Variants in TMEM132B observed in about 807,000 individuals in gnomAD.
TMEM132B encodes transmembrane protein 132B.
Under a neutral mutation model 90.8 loss-of-function variants are expected in TMEM132B, and 18 were observed. That is an observed-to-expected ratio of 0.20 (90% CI 0.14 to 0.29). The LOEUF is 0.29. TMEM132B is among the 10% of genes least tolerant of loss of function. The pLI, the probability that TMEM132B is intolerant of heterozygous loss-of-function variation, is 1.00. For synonymous variants in TMEM132B, 504 were observed against 523.3 expected (o/e 0.96, Z 0.50); for missense variants, 1,096 against 1,326.8 (o/e 0.83, Z 2.70).
chr12:125,372,301 T>A (rs1284439495), intron 2 of TMEM132B, among the ~76,000 whole-genome samples: 1 of 152,246 alleles, frequency 6.6e-6, no homozygotes, highest in Non-Finnish European at 1.5e-5. Flanking sequence ...CTAGAGCTCA[T>A]AAAGTATCCC....
rs1886890851 is a variant in TMEM132B, at chr12:125,650,831, G to T, written c.1792G>T (p.Asp598Tyr). The T allele has an allele frequency of 6.2e-7, 1 of 1,614,072 alleles. No individual in the cohort carries two copies. The highest frequency in any genetic ancestry group is 8.5e-7 in the Non-Finnish European group (1 of 1,180,052). The change falls in exon 7 of 9, where the codon GAC (aspartate) becomes TAC (tyrosine). Residue 598 changes from aspartate to tyrosine, a missense_variant. Physicochemically the swap from Asp to Tyr is radical, Grantham distance 160. Coordinates refer to ENST00000682704, the MANE Select transcript of TMEM132B (RefSeq NM_001366854.1). ...LGQLTYMLGP[D>Y]WQFDITDLVT... Reference sequence around the variant, plus strand: ...GCAGCTGACCTACATGCTGGGCCCCGACTGGCAGTTTGACATCACTGACCT... The same window carrying T: ...GCAGCTGACCTACATGCTGGGCCCCTACTGGCAGTTTGACATCACTGACCT...
At position 125,583,890 on chromosome 12, in the gene TMEM132B, C is replaced by T. The variant is rs1188545833; in HGVS notation, c.1333C>T (p.Pro445Ser). The T allele has an allele frequency of 2.5e-6, 4 of 1,614,120 alleles. No homozygotes were observed. Among genetic ancestry groups the T allele is most frequent in the Non-Finnish European group, 3.4e-6 (4 of 1,180,030 alleles). The change falls in exon 5 of 9, where the codon CCT becomes TCT. Residue 445 changes from proline to serine, a missense_variant. Coordinates refer to ENST00000682704, the MANE Select transcript of TMEM132B (RefSeq NM_001366854.1). ...VLNTAILTGK[P>S]VSVPVKVVGV... ...GAACACTGCCATTCTCACTGGAAAG[C>T]CTGTTTCAGTTCCTGTCAAAGTCGT...
chr12:125,393,690 A>G (rs1215216456), intron 2 of TMEM132B, among the ~76,000 whole-genome samples: 1 of 152,122 alleles, frequency 6.6e-6, no homozygotes, highest in African/African-American at 2.4e-5. Context: ...ATGAAGATGG[A>G]GGCGCAGTCA....
chr12:125,187,205 C>A lies in TMEM132B; in HGVS notation c.67+339C>A, dbSNP rs552352259. ...GCCCTGCCTTGGGCCAAATCCCCCC[C>A]AGGTCCCAGTTCCTCCAGGGGTTTT... On this transcript the variant is annotated intron_variant, in intron 1 of 8. Coordinates refer to ENST00000682704, the MANE Select transcript of TMEM132B (RefSeq NM_001366854.1). 5.3e-5 allele frequency among the ~76,000 whole-genome samples: 8 copies of A among 152,366 alleles called. No individual in the cohort carries two copies. In the East Asian group the frequency reaches 1.5e-3, roughly 29 times the overall value.
intron 1 of TMEM132B, among the ~76,000 whole-genome samples, chr12:125,306,009 A>T (rs1875949493): frequency 6.6e-6 from 1 of 152,174 alleles, no homozygotes; most frequent in Non-Finnish European, 1.5e-5. Flanking sequence ...CTAAGTGGAG[A>T]TTCATTTCTT....
chr12:125,442,202 G>T (rs1401256348), intron 3 of TMEM132B, among the ~76,000 whole-genome samples: 1 of 152,236 alleles, frequency 6.6e-6, no homozygotes, highest in Non-Finnish European at 1.5e-5. Context: ...GAACATTGCT[G>T]TGAAATCTGC....
At chr12:125,642,832 C>T (rs894916181) in intron 5 of TMEM132B, among the ~76,000 whole-genome samples, 8 of 152,166 alleles carry the variant, frequency 5.3e-5, no homozygotes, top group Non-Finnish European at 1.0e-4. Context: ...TTAAGTGTCC[C>T]ATTAGCTATT....
intron 3 of TMEM132B, among the ~76,000 whole-genome samples, chr12:125,432,393 A>ATGTG (rs1555248780): frequency 1.1e-5 from 1 of 87,570 alleles, no homozygotes; most frequent in East Asian, 4.6e-4. Context: ...ATATATATAT[A>ATGTG]TATATGTATG....
In TMEM132B at chr12:125,502,787, T is replaced by C. The variant is rs76846314; in HGVS notation, c.1107-16652T>C. ...GGCACAGAGTAGATGCTCAAAAATA[T>C]TTCATTGAATGTTTGAATGAATATA... On this transcript the variant is annotated intron_variant, in intron 3 of 8. Transcript: ENST00000682704. Among the ~76,000 whole-genome samples, 872 of 152,314 alleles carry C rather than the reference T, an allele frequency of 5.7e-3. 7 individuals are homozygous for C. The highest frequency in any genetic ancestry group is 0.02 in the African/African-American group (823 of 41,560).
chr12:125,282,803 C>T (rs555572710), intron 1 of TMEM132B, among the ~76,000 whole-genome samples: 1 of 152,280 alleles, frequency 6.6e-6, no homozygotes, highest in South Asian at 2.1e-4. Context: ...ATGTGTGTGC[C>T]TGGTGCATTC....
At chr12:125,413,444 G>A (rs904049146) in intron 2 of TMEM132B, among the ~76,000 whole-genome samples, 4 of 151,916 alleles carry the variant, frequency 2.6e-5, no homozygotes, top group East Asian at 1.9e-4. Context: ...AAACACTGTC[G>A]TCATCCCAAA....
At chr12:125,248,298 C>T (rs1874248066) in intron 1 of TMEM132B, among the ~76,000 whole-genome samples, 1 of 152,200 alleles carries the variant, frequency 6.6e-6, no homozygotes, top group African/African-American at 2.4e-5. Flanking sequence ...GAAAAAGCAT[C>T]TTTATGAGTG....
At chr12:125,345,952 A>G (rs956049661) in intron 1 of TMEM132B, among the ~76,000 whole-genome samples, 3 of 152,174 alleles carry the variant, frequency 2.0e-5, no homozygotes, top group Non-Finnish European at 4.4e-5. Context: ...TTAGCTTTTC[A>G]GTGTATTTCT....
At chr12:125,254,534 C>G (rs1344264430) in intron 1 of TMEM132B, among the ~76,000 whole-genome samples, 2 of 152,078 alleles carry the variant, frequency 1.3e-5, no homozygotes, top group Non-Finnish European at 2.9e-5. Flanking sequence ...GCCTGGGGAG[C>G]CTCCTTACCC....
intron 5 of TMEM132B, among the ~76,000 whole-genome samples, chr12:125,635,963 G>A (rs373345125): frequency 1.5e-4 from 23 of 152,202 alleles, no homozygotes; most frequent in Middle Eastern, 3.4e-3. Context: ...TCACAATTGC[G>A]GTGCTCTCCC....
chr12:125,612,558 T>C (rs1885859480), intron 5 of TMEM132B, among the ~76,000 whole-genome samples: 2 of 145,996 alleles, frequency 1.4e-5, no homozygotes, highest in Admixed American at 1.4e-4. Context: ...TTGAAGTATA[T>C]ATATATAATA....
intron 4 of TMEM132B, among the ~76,000 whole-genome samples, chr12:125,545,981 C>T (rs763252249): frequency 1.1e-4 from 16 of 152,096 alleles, no homozygotes; most frequent in Non-Finnish European, 2.1e-4. Flanking sequence ...TTTTGTAAGG[C>T]ATAACTTATA....
chr12:125,581,441 G>A (rs1297165410), intron 4 of TMEM132B, among the ~76,000 whole-genome samples: 1 of 152,076 alleles, frequency 6.6e-6, no homozygotes, highest in African/African-American at 2.4e-5. Flanking sequence ...TCCTACTCTT[G>A]TCTGATTTTC....
At chr12:125,623,905 C>G (rs1387567223) in intron 5 of TMEM132B, among the ~76,000 whole-genome samples, 1 of 152,174 alleles carries the variant, frequency 6.6e-6, no homozygotes, top group Admixed American at 6.5e-5. Context: ...GGTTACATCT[C>G]CACTAAGTGG....
Sources: allele counts gnomAD v4.1 joint callset (sites outside exome capture counted in the v4.1 genomes callset), GRCh38; gene constraint gnomAD v4.1.1; transcripts MANE v1.5; gene names NCBI Gene and HGNC (gene_info 2026-07-23, HGNC 2026-07-21).